Variants in TTLL5 observed in about 807,000 individuals in gnomAD.
TTLL5 encodes the protein tubulin polyglutamylase TTLL5.
TTLL5 carries 132 observed loss-of-function variants against 168.4 expected under a neutral mutation model. The ratio of observed to expected loss-of-function variants is 0.78; its 90% CI spans 0.68 to 0.91. The LOEUF (loss-of-function observed/expected upper bound fraction) is 0.91, where lower values mean the gene tolerates loss of function less well. Among genes scored for constraint, TTLL5 ranks in the 40% least tolerant of loss-of-function variants. The pLI is 0.00. For missense variants in TTLL5, 1,545 were observed against 1,581.5 expected, an observed-to-expected ratio of 0.98 and a Z score of 0.39; for synonymous variants, 546 against 558.6, an observed-to-expected ratio of 0.98 and a Z score of 0.32.
rs566080019 is a variant in TTLL5 at position 75,680,808 on chromosome 14, G to A, written c.182-737G>A. 1.4e-3 allele frequency among the ~76,000 whole-genome samples: 216 copies of A among 151,972 alleles called. 1 individual carries two copies. Among genetic ancestry groups the A allele is most frequent in the African/African-American group, 5.1e-3 (210 of 41,454 alleles). On this transcript the variant is annotated intron_variant, in intron 3 of 31. Coordinates refer to ENST00000298832, the MANE Select transcript of TTLL5 (RefSeq NM_015072.5). Reference sequence around the variant, plus strand: ...CCCAGCTAATTTTTTGTATTTTTAAGTAGAGATGGGGTTTCACAATGTTGG... The same window carrying A: ...CCCAGCTAATTTTTTGTATTTTTAAATAGAGATGGGGTTTCACAATGTTGG...
At chr14:75,721,775 TTA>T (rs1887852391) in intron 12 of TTLL5, among the ~76,000 whole-genome samples, 1 of 152,196 alleles carries the variant, frequency 6.6e-6, no homozygotes, top group African/African-American at 2.4e-5. Flanking sequence ...AAATTATTTG[TTA>T]TTTTTGTAAT....
At chr14:75,800,533 T>C (rs1893240338) in intron 27 of TTLL5, among the ~76,000 whole-genome samples, 3 of 152,092 alleles carry the variant, frequency 2.0e-5, no homozygotes, top group Admixed American at 2.0e-4. Context: ...CTTTTGGGAG[T>C]GTTAAAGAAC....
At chr14:75,673,469 C>T (rs1388735912) in intron 3 of TTLL5, among the ~76,000 whole-genome samples, 1 of 151,996 alleles carries the variant, frequency 6.6e-6, no homozygotes, top group African/African-American at 2.4e-5. Flanking sequence ...CTTGGGTTCT[C>T]AGCCATTGGT....
chr14:75,752,435 C>T (rs1890008222), intron 17 of TTLL5, among the ~76,000 whole-genome samples: 1 of 152,206 alleles, frequency 6.6e-6, no homozygotes, highest in Non-Finnish European at 1.5e-5. Context: ...TTGCCTTAAG[C>T]AGTAGACATC....
chr14:75,813,967 A>G (rs1894226518), intron 27 of TTLL5, among the ~76,000 whole-genome samples: 1 of 152,192 alleles, frequency 6.6e-6, no homozygotes. Flanking sequence ...CAGAGAAGCC[A>G]ACTGGCCCAA....
intron 30 of TTLL5, among the ~76,000 whole-genome samples, chr14:75,883,585 C>T (rs1372752583): frequency 3.3e-5 from 5 of 152,128 alleles, no homozygotes; most frequent in Non-Finnish European, 5.9e-5. Context: ...ATTTGTCCTT[C>T]GGAAGATCAA....
chr14:75,664,096 AAAG>A (rs1322602892), intron 2 of TTLL5, among the ~76,000 whole-genome samples: 6 of 152,126 alleles, frequency 3.9e-5, no homozygotes, highest in Non-Finnish European at 8.8e-5. Flanking sequence ...AAAAAAAAAA[AAAG>A]AATGATAATG....
At chr14:75,904,347 G>GTGAGATACCCTA (rs1314402837) in intron 31 of TTLL5, 1 of 811,832 alleles carries the variant, frequency 1.2e-6, no homozygotes, top group Non-Finnish European at 1.5e-6. Context: ...AAGGATTTCT[G>GTGAGATACCCTA]TGAGATACCC....
At chr14:75,941,995 C>T (rs1444581394) in intron 31 of TTLL5, among the ~76,000 whole-genome samples, 1 of 147,916 alleles carries the variant, frequency 6.8e-6, no homozygotes, top group African/African-American at 2.5e-5. Flanking sequence ...TCCTGGCTAA[C>T]ATGGTGAAAC....
rs181809055 is a variant in TTLL5 at position 75,750,849 on chromosome 14, T to C, written c.1488-2044T>C. ...GAGCAGTTAAAACAATATTCTGTAA[T>C]ACAAGTTATGTGAATGTGGCCTCTC... On this transcript the variant is annotated intron_variant, in intron 17 of 31. Coordinates refer to ENST00000298832, the MANE Select transcript of TTLL5 (RefSeq NM_015072.5). Among the ~76,000 whole-genome samples the C allele has an allele frequency of 3.8e-3, 585 of 152,326 alleles. 4 individuals are homozygous for C. The highest frequency in any genetic ancestry group is 0.013 in the African/African-American group (560 of 41,584).
intron 29 of TTLL5, among the ~76,000 whole-genome samples, chr14:75,867,280 A>G (rs2030600947): frequency 1.3e-5 from 2 of 152,206 alleles, no homozygotes; most frequent in African/African-American, 4.8e-5. Context: ...GACTAGAGTA[A>G]CAGAACCATT....
At chr14:75,762,119 G>A (rs139959046) in intron 18 of TTLL5, among the ~76,000 whole-genome samples, 27 of 152,238 alleles carry the variant, frequency 1.8e-4, no homozygotes, top group African/African-American at 6.5e-4. Context: ...TTGGGGGCTG[G>A]GCGTGGTGGC....
intron 30 of TTLL5, chr14:75,887,172 G>T: frequency 9.9e-7 from 1 of 1,011,336 alleles, no homozygotes; most frequent in Non-Finnish European, 1.2e-6. Flanking sequence ...AAAGCCATCA[G>T]GACTGGGTAG....
intron 27 of TTLL5, among the ~76,000 whole-genome samples, chr14:75,800,818 A>G (rs1422705472): frequency 1.3e-5 from 2 of 152,140 alleles, no homozygotes; most frequent in East Asian, 3.9e-4. Context: ...CTGTGATGTG[A>G]TCCATCTTCA....
intron 2 of TTLL5, among the ~76,000 whole-genome samples, chr14:75,664,766 T>A (rs1390620160): frequency 6.6e-6 from 1 of 152,250 alleles, no homozygotes; most frequent in Non-Finnish European, 1.5e-5. Flanking sequence ...TTGCTTTCGG[T>A]GTGCTGCCTC....
intron 31 of TTLL5, chr14:75,902,428 G>T: frequency 1.4e-6 from 1 of 690,052 alleles, no homozygotes; most frequent in Non-Finnish European, 2.6e-6. Flanking sequence ...TCTGGAACTA[G>T]CTTGGGGTAA....
At chr14:75,719,863 C>G in intron 11 of TTLL5, 37 bp downstream of exon 11, 5 of 1,575,080 alleles carry the variant, frequency 3.2e-6, no homozygotes, top group African/African-American at 2.7e-5. Flanking sequence ...GACTTCTCTT[C>G]TTTGGATAAC....
chr14:75,703,630 C>T (rs1446273949), intron 7 of TTLL5, among the ~76,000 whole-genome samples: 1 of 152,200 alleles, frequency 6.6e-6, no homozygotes, highest in Admixed American at 6.5e-5. Flanking sequence ...CAAGTTTACT[C>T]ATTCTTGTCT....
At chr14:75,830,888 G>C (rs1030124726) in intron 28 of TTLL5, among the ~76,000 whole-genome samples, 3 of 152,164 alleles carry the variant, frequency 2.0e-5, no homozygotes, top group Non-Finnish European at 2.9e-5. Context: ...GTCCCAAGCA[G>C]ATCTTATTAG....
Sources: gnomAD v4.1 joint callset for allele counts (sites outside exome capture counted in the v4.1 genomes callset) on GRCh38, gnomAD v4.1.1 for gene constraint, MANE v1.5 for transcripts, NCBI Gene and HGNC (gene_info 2026-07-23, HGNC 2026-07-21) for gene names.